Variants in FGD6 observed in about 807,000 individuals in gnomAD.
FGD6 encodes the protein FYVE, RhoGEF and PH domain-containing protein 6.
Under a neutral mutation model 149.4 loss-of-function variants are expected in FGD6, and 90 were observed. That is an observed-to-expected ratio of 0.60 (90% confidence interval 0.51 to 0.72). The LOEUF is 0.72. FGD6 is among the 30% of genes least tolerant of loss of function. The pLI is 0.00. For missense variants in FGD6, 1,437 were observed against 1,684.8 expected, an observed-to-expected ratio of 0.85 and a Z score of 2.57; for synonymous variants, 527 against 584.0, an observed-to-expected ratio of 0.90 and a Z score of 1.41.
chr12:95,158,274 T>C (rs1439865118), intron 3 of FGD6, among the ~76,000 whole-genome samples: 1 of 150,890 alleles, frequency 6.6e-6, no homozygotes, highest in Non-Finnish European at 1.5e-5. Context: ...TTCAAGCGAT[T>C]CTCCTGCCTC....
rs753987018 is a variant in FGD6 at position 95,209,532 on chromosome 12, C to A, written c.1752G>T (p.Lys584Asn). 2 of 1,613,888 alleles carry A rather than the reference C, an allele frequency of 1.2e-6. No homozygotes were observed. The highest frequency in any genetic ancestry group is 1.3e-5 in the African/African-American group (1 of 74,886). The part of the protein sequence containing the change: ...LPFSGNPEFL[K>N]SVTVSSNSEP... ...CACTGTTTGACGATACGGTGACAGA[C>A]TTTAAGAATTCTGGGTTCCCTGAAA... Residue 584 changes from lysine (K) to asparagine (N), a missense_variant, in exon 2 of 21, where the codon AAG (lysine) becomes AAT (asparagine). Lys to Asn is a moderately conservative substitution (Grantham distance 94). Coordinates refer to ENST00000343958, the MANE Select transcript of FGD6 (RefSeq NM_018351.4).
chr12:95,134,665 G>A, intron 8 of FGD6, 74 bp downstream of exon 8: 1 of 1,353,922 alleles, frequency 7.4e-7, no homozygotes, highest in East Asian at 2.3e-5. Flanking sequence ...AGGCACCCGA[G>A]TTTCATAAAG....
intron 5 of FGD6, among the ~76,000 whole-genome samples, chr12:95,150,322 C>T (rs1004648673): frequency 2.0e-5 from 3 of 152,018 alleles, no homozygotes; most frequent in Non-Finnish European, 4.4e-5. Flanking sequence ...CCACCGTACC[C>T]GGCCCAAATA....
At chr12:95,086,541 T>C (rs1035893205) in intron 18 of FGD6, among the ~76,000 whole-genome samples, 42 of 134,578 alleles carry the variant, frequency 3.1e-4, no homozygotes, top group South Asian at 1.5e-3. Flanking sequence ...TTTTTCTTTT[T>C]TTTTTTTTTT....
chr12:95,108,318 A>G (rs772676803), intron 11 of FGD6, 30 bp downstream of exon 11: 2 of 1,597,692 alleles, frequency 1.3e-6, no homozygotes, highest in East Asian at 2.2e-5. Flanking sequence ...CATCGTATTA[A>G]GTTTGCGAAA....
At chr12:95,143,677 A>T (rs1879923949) in intron 5 of FGD6, among the ~76,000 whole-genome samples, 1 of 152,224 alleles carries the variant, frequency 6.6e-6, no homozygotes. Context: ...ATCAGCACTC[A>T]CATTTACTAA....
chr12:95,209,611 G>A lies in FGD6; in HGVS notation c.1673C>T (p.Pro558Leu), dbSNP rs1312287476. ...CACTGGCTTTTCTGAAGCCCGTTTA[G>A]GCATATCAAAGGAGGATGACACACC... is the stretch of plus-strand genomic sequence containing the variant. ...NRGVSSSFDM[P>L]KRASEKPVWK... is the part of the protein sequence containing the mutation. The change falls in exon 2 of 21, where the codon CCT becomes CTT. Residue 558 changes from proline (P) to leucine (L), a missense_variant. By Grantham distance (98) the Pro-to-Leu change is moderately conservative. Coordinates refer to ENST00000343958, the MANE Select transcript of FGD6 (RefSeq NM_018351.4). The A allele has an allele frequency of 6.2e-7, 1 of 1,613,940 alleles. No individual in the cohort carries two copies. The highest frequency in any genetic ancestry group is 1.7e-5 in the Admixed American group (1 of 59,964).
Position 95,158,036 on chromosome 12 carries a change from T to C in FGD6, c.2587-5043A>G, listed in dbSNP as rs141075219. On this transcript the variant is annotated intron_variant, in intron 3 of 20. Coordinates refer to ENST00000343958, the MANE Select transcript of FGD6 (RefSeq NM_018351.4). Reference sequence around the variant, plus strand: ...CTAATTTTTGTATTTTTAGTAGAGATTGGGTTTGACCATGTTGGCCAGCAT... The same window carrying C: ...CTAATTTTTGTATTTTTAGTAGAGACTGGGTTTGACCATGTTGGCCAGCAT... Among the ~76,000 whole-genome samples, 934 of 151,976 alleles carry C rather than the reference T, an allele frequency of 6.1e-3. 16 individuals are homozygous for C. The highest frequency in any genetic ancestry group is 0.021 in the African/African-American group (884 of 41,452).
intron 14 of FGD6, among the ~76,000 whole-genome samples, chr12:95,098,410 G>A (rs1334131512): frequency 9.9e-5 from 15 of 152,062 alleles, no homozygotes; most frequent in African/African-American, 2.7e-4. Context: ...GCCTTTCAGC[G>A]GTTTCCTGTG....
intron 14 of FGD6, among the ~76,000 whole-genome samples, chr12:95,099,938 G>A (rs1878363692): frequency 6.6e-6 from 1 of 151,792 alleles, no homozygotes; most frequent in Non-Finnish European, 1.5e-5. Flanking sequence ...AATTCTTGCT[G>A]TTTCTTTAAC....
intron 13 of FGD6, among the ~76,000 whole-genome samples, chr12:95,105,504 A>C (rs1339804863): frequency 1.3e-5 from 2 of 152,152 alleles, no homozygotes; most frequent in Non-Finnish European, 2.9e-5. Context: ...GTGCCTTTAT[A>C]GTGATATTTA....
intron 8 of FGD6, among the ~76,000 whole-genome samples, chr12:95,117,952 A>G (rs962839179): frequency 6.6e-6 from 1 of 151,862 alleles, no homozygotes; most frequent in African/African-American, 2.4e-5. Context: ...GAGGCAGGAG[A>G]CTCGCTTGAA....
intron 2 of FGD6, among the ~76,000 whole-genome samples, chr12:95,199,219 C>T (rs7313127): frequency 6.6e-6 from 1 of 152,100 alleles, no homozygotes. Context: ...TGGGCAAAGT[C>T]GACAAGTCTT....
At chr12:95,190,951 A>G (rs1182821341) in intron 2 of FGD6, among the ~76,000 whole-genome samples, 1 of 152,184 alleles carries the variant, frequency 6.6e-6, no homozygotes, top group Non-Finnish European at 1.5e-5. Flanking sequence ...TCACCAGAAC[A>G]TTTTAGTAAA....
chr12:95,182,268 T>A lies in FGD6; in HGVS notation c.2442-9524A>T, dbSNP rs564895642. Among the ~76,000 whole-genome samples, 56 of 149,010 alleles carry A rather than the reference T, an allele frequency of 3.8e-4. No homozygotes were observed. In the South Asian group the frequency reaches 0.012, roughly 31 times the overall value. On this transcript the variant is annotated intron_variant, in intron 2 of 20. Transcript: ENST00000343958. ...TGGAAGCTGGAGTGTAGTGGCATGATCTTGGCTCACTGCAACCTCTGCCAC... is the reference window on the plus strand; with the variant it reads ...TGGAAGCTGGAGTGTAGTGGCATGAACTTGGCTCACTGCAACCTCTGCCAC...
Position 95,085,906 on chromosome 12 carries a change from T to C in FGD6, c.3981A>G (p.Val1327=), listed in dbSNP as rs919774874. Residue 1327 remains valine, a splice_region_variant and synonymous_variant, in exon 19 of 21, where the codon GTA becomes GTG. Coordinates refer to ENST00000343958, the MANE Select transcript of FGD6 (RefSeq NM_018351.4). Reference sequence around the variant, plus strand: ...TAGAAGAATCCTCTGTGTTTGCTGATACCTAGATAAGAAACCCCATACAAA... The same window carrying C: ...TAGAAGAATCCTCTGTGTTTGCTGACACCTAGATAAGAAACCCCATACAAA... ...QKKIPAALKE[V]SANTEDSSMS... 1.3e-6 allele frequency: 2 copies of C among 1,597,574 alleles called. No individual in the cohort carries two copies. The highest frequency in any genetic ancestry group is 2.7e-5 in the African/African-American group (2 of 73,916).
In FGD6 at chr12:95,210,297, C is replaced by T. The variant is rs374194678; in HGVS notation, c.987G>A (p.Lys329=). 18 of 1,614,050 alleles carry T rather than the reference C, an allele frequency of 1.1e-5. No individual in the cohort carries two copies. Among genetic ancestry groups the T allele is most frequent in the African/African-American group, 4.0e-5 (3 of 74,918 alleles). ...TGCTTTCACTAGGAGTATCTACACA[C>T]TTTTGGCGTAACAGACGAGCAGTTC... ...KTRTARLLRQ[K]CVDTPSESTE... The change falls in exon 2 of 21, where the codon AAG becomes AAA. Residue 329 remains lysine (K), a synonymous_variant. Transcript: ENST00000343958.
At chr12:95,131,450 C>G (rs1214453377) in intron 8 of FGD6, among the ~76,000 whole-genome samples, 52 of 152,082 alleles carry the variant, frequency 3.4e-4, no homozygotes. Context: ...AAATTACTTC[C>G]TGAACAGCTT....
intron 2 of FGD6, among the ~76,000 whole-genome samples, chr12:95,177,103 C>T (rs543295189): frequency 6.6e-6 from 1 of 152,242 alleles, no homozygotes; most frequent in Admixed American, 6.5e-5. Context: ...GCTGGGATTA[C>T]AGGCATGAGC....
Sources: allele counts gnomAD v4.1 joint callset (sites outside exome capture counted in the v4.1 genomes callset), GRCh38; gene constraint gnomAD v4.1.1; transcripts MANE v1.5; gene names NCBI Gene and HGNC (gene_info 2026-07-23, HGNC 2026-07-21).